The following DIAPH3 variants were observed in gnomAD, a reference collection of about 807,000 sequenced individuals.
The protein encoded by DIAPH3 is protein diaphanous homolog 3.
DIAPH3 carries 117 observed loss-of-function variants against 144.3 expected under a neutral mutation model. The ratio of observed to expected loss-of-function variants is 0.81; its 90% CI spans 0.70 to 0.95. The LOEUF is 0.95. Ranked by LOEUF, DIAPH3 falls within the 40% of genes least tolerant of loss-of-function variation. DIAPH3 has a pLI of 0.00. For missense variants in DIAPH3, 1,421 were observed against 1,412.7 expected, an observed-to-expected ratio of 1.01 and a Z score of -0.09; for synonymous variants, 519 against 488.9, an observed-to-expected ratio of 1.06 and a Z score of -0.81.
At chr13:60,102,104 CACT>C (rs1167793006) in intron 3 of DIAPH3, among the ~76,000 whole-genome samples, 1 of 152,058 alleles carries the variant, frequency 6.6e-6, no homozygotes, top group African/African-American at 2.4e-5. Context: ...TTTATTTGCA[CACT>C]ACTATCTTTC....
intron 25 of DIAPH3, among the ~76,000 whole-genome samples, chr13:59,790,948 G>A (rs61956704): frequency 0.022 from 3,369 of 152,194 alleles, 65 homozygotes; most frequent in Non-Finnish European, 0.035. Context: ...GTAACTTTGA[G>A]AACAACTTTA....
At chr13:60,067,677 T>A (rs1594569186) in intron 4 of DIAPH3, among the ~76,000 whole-genome samples, 1 of 152,184 alleles carries the variant, frequency 6.6e-6, no homozygotes, top group Non-Finnish European at 1.5e-5. Flanking sequence ...TTAGTCATAA[T>A]TCCTGAGAGT....
intron 10 of DIAPH3, 126 bp downstream of exon 10, chr13:59,992,347 A>T: frequency 9.3e-7 from 1 of 1,079,082 alleles, no homozygotes; most frequent in Non-Finnish European, 1.4e-6. Flanking sequence ...ATATTTCAAA[A>T]ATAGATTTTT....
At chr13:59,677,815 T>A (rs920970405) in intron 27 of DIAPH3, among the ~76,000 whole-genome samples, 4 of 152,222 alleles carry the variant, frequency 2.6e-5, no homozygotes, top group South Asian at 4.1e-4. Context: ...AGTTATATAT[T>A]TCTAGGTAAG....
At chr13:59,720,196 A>G (rs1182415031) in intron 27 of DIAPH3, among the ~76,000 whole-genome samples, 2 of 152,144 alleles carry the variant, frequency 1.3e-5, no homozygotes, top group Non-Finnish European at 2.9e-5. Flanking sequence ...AATACAATAT[A>G]AAGATAAAAA....
intron 9 of DIAPH3, among the ~76,000 whole-genome samples, chr13:60,008,335 T>G (rs2053023946): frequency 6.6e-6 from 1 of 152,014 alleles, no homozygotes; most frequent in South Asian, 2.1e-4. Context: ...GGCAGAGCTT[T>G]CAGTGAGCTG....
At chr13:59,677,677 T>C (rs1254396117) in intron 27 of DIAPH3, among the ~76,000 whole-genome samples, 1 of 152,156 alleles carries the variant, frequency 6.6e-6, no homozygotes, top group Non-Finnish European at 1.5e-5. Flanking sequence ...CTGGAGTTTT[T>C]CACAGTGCTA....
intron 27 of DIAPH3, among the ~76,000 whole-genome samples, chr13:59,726,277 T>C (rs2035599428): frequency 6.6e-6 from 1 of 152,238 alleles, no homozygotes; most frequent in South Asian, 2.1e-4. Flanking sequence ...TCATCTTTTA[T>C]ATGTAACTCA....
rs1165739891 is a variant in DIAPH3, at chr13:60,031,732, C to CTTTTTTTTTTTTTT, written c.626+10944_626+10957dup. Among the ~76,000 whole-genome samples, 4 of 64,668 alleles carry CTTTTTTTTTTTTTT rather than the reference C, an allele frequency of 6.2e-5. 1 individual carries two copies. The highest frequency in any genetic ancestry group is 2.6e-4 in the African/African-American group (4 of 15,144). 42.4% of individuals were successfully genotyped at this position (64,668 alleles called of 152,430 possible). On this transcript the variant is annotated intron_variant, in intron 5 of 27. Transcript: ENST00000400324. ...AAACCCAGTAGGGCAGTCATTAAATCTTTTTTTTTTTTTTTTTTTTTTTTT... is the reference window on the plus strand; with the variant it reads ...AAACCCAGTAGGGCAGTCATTAAATCTTTTTTTTTTTTTTTTTTTTTTTTTTTTTTTTTTTTTTT...
chr13:59,736,555 T>G (rs912189087), intron 27 of DIAPH3, among the ~76,000 whole-genome samples: 1 of 152,166 alleles, frequency 6.6e-6, no homozygotes, highest in African/African-American at 2.4e-5. Flanking sequence ...TGTCTTCTTT[T>G]GAGAAGTGTC....
intron 21 of DIAPH3, among the ~76,000 whole-genome samples, chr13:59,873,677 C>CTTTTTTTTT (rs57461813): frequency 2.3e-5 from 3 of 128,914 alleles, no homozygotes; most frequent in African/African-American, 2.9e-5. Context: ...ACCACTTTTT[C>CTTTTTTTTT]TTTTTTTTTT....
chr13:60,091,418 C>T (rs1470951314), intron 4 of DIAPH3, among the ~76,000 whole-genome samples: 1 of 152,152 alleles, frequency 6.6e-6, no homozygotes, highest in Non-Finnish European at 1.5e-5. Context: ...CCACCTCAGC[C>T]TCCTGAGTAG....
At chr13:60,093,952 A>G (rs185378501) in intron 3 of DIAPH3, among the ~76,000 whole-genome samples, 27 of 152,326 alleles carry the variant, frequency 1.8e-4, no homozygotes, top group Admixed American at 1.6e-3. Context: ...CACTTACTAA[A>G]AGAACTTTTA....
chr13:59,825,499 G>C lies in DIAPH3; in HGVS notation c.3027+7608C>G, dbSNP rs373003172. Among the ~76,000 whole-genome samples the C allele has an allele frequency of 1.2e-4, 19 of 152,146 alleles. No homozygotes were observed. The East Asian group carries it at 1.9e-3, about 15-fold the overall frequency. ...GTGAATAGTGTACAATAAACATATG[G>C]GTGCATGTGTCTTTACAGCAGCATG... On this transcript the variant is annotated intron_variant, in intron 24 of 27. Coordinates refer to ENST00000400324, the MANE Select transcript of DIAPH3 (RefSeq NM_001042517.2).
At chr13:59,682,133 T>G (rs1295458075) in intron 27 of DIAPH3, among the ~76,000 whole-genome samples, 1 of 152,192 alleles carries the variant, frequency 6.6e-6, no homozygotes, top group East Asian at 1.9e-4. Flanking sequence ...GCAGCAAAAT[T>G]TATGGCCCAG....
At position 59,824,944 on chromosome 13, in the gene DIAPH3, G is replaced by A. The variant is rs568282634; in HGVS notation, c.3027+8163C>T. Among the ~76,000 whole-genome samples the A allele has an allele frequency of 2.6e-5, 4 of 152,216 alleles. No homozygotes were observed. In the East Asian group the frequency reaches 5.8e-4, roughly 22 times the overall value. On this transcript the variant is annotated intron_variant, in intron 24 of 27. Transcript: ENST00000400324. ...AAAAATAAGTCACAGAAATAAAAATGTATTCTATATGAGAACAGGTGATAT... is the reference window on the plus strand; with the variant it reads ...AAAAATAAGTCACAGAAATAAAAATATATTCTATATGAGAACAGGTGATAT...
chr13:59,787,547 TTCTA>T lies in DIAPH3; in HGVS notation c.3164-12728_3164-12725del, dbSNP rs2039101825. On this transcript the variant is annotated intron_variant, in intron 25 of 27. Coordinates refer to ENST00000400324, the MANE Select transcript of DIAPH3 (RefSeq NM_001042517.2). ...CCTAGACAACATAGTGAGACTTTGT[TTCTA>T]TTAAAAATAATAAAAAATCAAATAA... is the stretch of plus-strand genomic sequence containing the variant. 2.0e-5 allele frequency among the ~76,000 whole-genome samples: 3 copies of T among 152,188 alleles called. No individual in the cohort carries two copies. The South Asian group carries it at 6.3e-4, about 32-fold the overall frequency.
At chr13:59,694,723 A>G (rs2033710614) in intron 27 of DIAPH3, among the ~76,000 whole-genome samples, 2 of 152,176 alleles carry the variant, frequency 1.3e-5, no homozygotes, top group Admixed American at 6.5e-5. Context: ...AAACACAAAC[A>G]AAGTAAAAAA....
intron 17 of DIAPH3, among the ~76,000 whole-genome samples, chr13:59,954,493 A>C (rs976301985): frequency 6.6e-6 from 1 of 152,200 alleles, no homozygotes; most frequent in African/African-American, 2.4e-5. Flanking sequence ...CAACCGTCTT[A>C]ATAACGGATA....
Sources: allele counts gnomAD v4.1 joint callset (sites outside exome capture counted in the v4.1 genomes callset), GRCh38; gene constraint gnomAD v4.1.1; transcripts MANE v1.5; gene names NCBI Gene and HGNC (gene_info 2026-07-23, HGNC 2026-07-21).